DOCK9: variants seen among roughly 807,000 people sequenced by gnomAD.
The protein encoded by DOCK9 is dedicator of cytokinesis 9.
Under a neutral mutation model 263.3 loss-of-function variants are expected in DOCK9, and 89 were observed. The observed-to-expected ratio is 0.34, with a 90% CI of 0.28 to 0.40. The LOEUF is 0.40. Ranked by LOEUF, DOCK9 falls within the 10% of genes least tolerant of loss-of-function variation. DOCK9 has a pLI of 1.00. For missense variants in DOCK9, 2,140 were observed against 2,603.4 expected (o/e 0.82, Z 3.87); for synonymous variants, 976 against 973.1 (o/e 1.00, Z -0.06).
At chr13:99,074,022 G>A (rs150612809) in intron 1 of DOCK9, among the ~76,000 whole-genome samples, 8 of 152,150 alleles carry the variant, frequency 5.3e-5, no homozygotes, top group Non-Finnish European at 8.8e-5. Flanking sequence ...TCAACTCATC[G>A]GTCTATAGGT....
chr13:99,027,449 A>T (rs893765761), intron 1 of DOCK9, among the ~76,000 whole-genome samples: 4 of 152,170 alleles, frequency 2.6e-5, no homozygotes, highest in African/African-American at 9.7e-5. Flanking sequence ...GGCCCACTGA[A>T]GGGCTGCAGC....
chr13:98,841,616 ATTTTTTTT>A (rs763770697), intron 38 of DOCK9, among the ~76,000 whole-genome samples: 7 of 137,382 alleles, frequency 5.1e-5, no homozygotes, highest in African/African-American at 1.8e-4. Flanking sequence ...TATGAACAAA[ATTTTTTTT>A]TTTTTTTTTT....
At chr13:99,023,762 C>T (rs149073167) in intron 1 of DOCK9, among the ~76,000 whole-genome samples, 109 of 152,318 alleles carry the variant, frequency 7.2e-4, no homozygotes, top group African/African-American at 2.3e-3. Flanking sequence ...GGTCTTTTCT[C>T]GTCCTCTCTC....
At chr13:98,894,555 G>A (rs1249021006) in intron 15 of DOCK9, among the ~76,000 whole-genome samples, 3 of 151,672 alleles carry the variant, frequency 2.0e-5, no homozygotes, top group East Asian at 1.9e-4. Context: ...CTAAGTACAC[G>A]CAGACCCACC....
At chr13:98,992,392 C>A (rs1388935689) in intron 1 of DOCK9, among the ~76,000 whole-genome samples, 1 of 152,182 alleles carries the variant, frequency 6.6e-6, no homozygotes, top group African/African-American at 2.4e-5. Context: ...TCGGAGCTAC[C>A]ATGAGCCTCC....
chr13:98,856,175 C>T, intron 33 of DOCK9, 144 bp from the exon 34 acceptor site: 1 of 756,294 alleles, frequency 1.3e-6, no homozygotes, highest in Non-Finnish European at 2.1e-6. Flanking sequence ...CATTACTTCA[C>T]CTTTAAAGAA....
intron 1 of DOCK9, among the ~76,000 whole-genome samples, chr13:98,956,697 A>T (rs1567088331): frequency 6.6e-6 from 1 of 152,174 alleles, no homozygotes; most frequent in Non-Finnish European, 1.5e-5. Context: ...CAGTGAGCTG[A>T]GATCACACCA....
At chr13:99,020,146 C>T (rs1360900231) in intron 1 of DOCK9, among the ~76,000 whole-genome samples, 1 of 152,070 alleles carries the variant, frequency 6.6e-6, no homozygotes, top group Admixed American at 6.6e-5. Context: ...AGAATGGCAC[C>T]TACTCTGCCC....
chr13:98,823,356 C>A (rs141236478), intron 45 of DOCK9, among the ~76,000 whole-genome samples: 4 of 152,312 alleles, frequency 2.6e-5, no homozygotes, highest in African/African-American at 9.6e-5. Context: ...TAGAGAACCA[C>A]TGACTTATGG....
At chr13:98,915,089 G>A (rs2050671333) in intron 8 of DOCK9, among the ~76,000 whole-genome samples, 1 of 152,096 alleles carries the variant, frequency 6.6e-6, no homozygotes, top group Admixed American at 6.5e-5. Flanking sequence ...TCAAACCCAG[G>A]TCTCCCTTTC....
At chr13:99,004,758 AG>A (rs1882996829) in intron 1 of DOCK9, among the ~76,000 whole-genome samples, 3 of 151,144 alleles carry the variant, frequency 2.0e-5, no homozygotes, top group African/African-American at 7.3e-5. Context: ...TCAATATTCT[AG>A]TACTGCATTG....
In DOCK9 at chr13:98,829,238, G is replaced by C. The variant is rs2092666676; in HGVS notation, c.4965+69C>G. On this transcript the variant is annotated intron_variant, in intron 43 of 52. Transcript: ENST00000682017. This position sits in a 1 kb window ranked among gnomAD's most constrained non-coding sequence, Gnocchi z 4.1. ...AATGGAATAACTTTTCTCAAAACTGGCTTTTTAAGTGAATGGGGCCTCACT... is the reference window on the plus strand; with the variant it reads ...AATGGAATAACTTTTCTCAAAACTGCCTTTTTAAGTGAATGGGGCCTCACT... 38 of 1,404,644 alleles carry C rather than the reference G, an allele frequency of 2.7e-5. No individual in the cohort carries two copies. The South Asian group carries it at 4.9e-4, about 18-fold the overall frequency. The allele number at this position is 1,404,644 out of a possible 1,614,324, so 87.0% of individuals were successfully genotyped here. A position where few individuals can be genotyped will look rare whatever the true frequency, so the allele number is the denominator to read the frequency against.
At chr13:98,887,141 A>ATTTTTTT (rs1335567169) in intron 18 of DOCK9, among the ~76,000 whole-genome samples, 5 of 59,616 alleles carry the variant, frequency 8.4e-5, no homozygotes, top group East Asian at 5.8e-4. Flanking sequence ...ATATATATAT[A>ATTTTTTT]TATTTTTTTT....
chr13:98,921,147 T>C, intron 6 of DOCK9, 59 bp from the exon 7 acceptor site: 2 of 1,513,858 alleles, frequency 1.3e-6, no homozygotes, highest in South Asian at 1.2e-5. Flanking sequence ...ACAATCTCTA[T>C]CAATAACCCA....
At chr13:98,965,000 G>T (rs1318820493) in intron 1 of DOCK9, among the ~76,000 whole-genome samples, 7 of 152,312 alleles carry the variant, frequency 4.6e-5, no homozygotes, top group South Asian at 2.1e-4. Flanking sequence ...TCTCTCCTCT[G>T]AAGTAAGCAA....
chr13:98,875,380 C>T (rs2043665714), intron 27 of DOCK9, among the ~76,000 whole-genome samples: 1 of 152,158 alleles, frequency 6.6e-6, no homozygotes, highest in African/African-American at 2.4e-5. Context: ...GACTATGAGC[C>T]ACACCCTCCT....
rs763105955 is a variant in DOCK9, at chr13:98,868,326, C to T, written c.2995G>A (p.Val999Ile). Residue 999 changes from valine to isoleucine, a missense_variant, in exon 28 of 53, where the codon GTT (valine) becomes ATT (isoleucine). Physicochemically the swap from Val to Ile is conservative, Grantham distance 29 (BLOSUM62 3). Around this residue, in one of 2 missense-constraint regions of DOCK9, gnomAD observed 1,521 missense variants for 1,741.7 expected, o/e 0.87. Coordinates refer to ENST00000682017, the MANE Select transcript of DOCK9 (RefSeq NM_001366683.2). ...ATGTGTGGCATCAGCATATTTACAACGGTTTCCACTGCATGATGATAGGAT... is the reference window on the plus strand; with the variant it reads ...ATGTGTGGCATCAGCATATTTACAATGGTTTCCACTGCATGATGATAGGAT... Reference protein sequence around the residue: ...PASYHHAVETVVNMLMPHITQ... With the variant: ...PASYHHAVETIVNMLMPHITQ... 5.0e-6 allele frequency: 8 copies of T among 1,613,792 alleles called. No homozygotes were observed. The highest frequency in any genetic ancestry group is 1.1e-5 in the South Asian group (1 of 91,020).
intron 1 of DOCK9, among the ~76,000 whole-genome samples, chr13:99,067,765 C>A (rs1372174899): frequency 6.6e-6 from 1 of 152,152 alleles, no homozygotes; most frequent in East Asian, 1.9e-4. Context: ...TGCTGATTCT[C>A]CCACTGAGTT....
intron 38 of DOCK9, among the ~76,000 whole-genome samples, chr13:98,839,180 C>T (rs1161261704): frequency 6.6e-6 from 1 of 152,240 alleles, no homozygotes; most frequent in East Asian, 1.9e-4. Flanking sequence ...TTCCACTCTG[C>T]AGCACAGCCA....
Sources: allele counts gnomAD v4.1 joint callset (sites outside exome capture counted in the v4.1 genomes callset), GRCh38; gene constraint gnomAD v4.1.1; regional missense constraint gnomAD v4.1.1; non-coding constraint Gnocchi (gnomAD v3.1); transcripts MANE v1.5; gene names NCBI Gene and HGNC (gene_info 2026-07-23, HGNC 2026-07-21).